The following CNTN1 variants were observed in gnomAD, a reference collection of about 807,000 sequenced individuals.
The protein encoded by CNTN1 is contactin-1.
CNTN1 carries 38 observed loss-of-function variants against 126.4 expected under a neutral mutation model. The ratio of observed to expected loss-of-function variants is 0.30; its 90% CI spans 0.23 to 0.39. CNTN1 has a LOEUF of 0.39. CNTN1 is among the 10% of genes least tolerant of loss of function. The pLI is 1.00. For synonymous variants in CNTN1, 413 were observed against 422.6 expected (o/e 0.98, Z 0.28); for missense variants, 1,009 against 1,248.4 (o/e 0.81, Z 2.89).
rs756170258 is a variant in CNTN1 at position 40,769,881 on chromosome 12, A to G, written c.-77+77289A>G. 2.0e-5 allele frequency among the ~76,000 whole-genome samples: 3 copies of G among 152,274 alleles called. No individual in the cohort carries two copies. The South Asian group carries it at 6.2e-4, about 32-fold the overall frequency. On this transcript the variant is annotated intron_variant, in intron 1 of 23. Coordinates refer to ENST00000551295, the MANE Select transcript of CNTN1 (RefSeq NM_001843.4). The stretch of plus-strand genomic sequence containing the variant: ...GAAAGGTTTCATCCTTGGCCCAGTA[A>G]TTAGTTATGTGTAAATATCTCTAAC...
rs116600655 is a variant in CNTN1 at position 40,899,777 on chromosome 12, G to A, written c.-76-8580G>A. ...ATTCTTCAAGAGTTGCTCAGAAATC[G>A]ATCTTAACAATCACGTGCCAAGTGC... is the stretch of plus-strand genomic sequence containing the variant. On this transcript the variant is annotated intron_variant, in intron 1 of 23. Transcript: ENST00000551295. 7.0e-3 allele frequency among the ~76,000 whole-genome samples: 1,072 copies of A among 152,198 alleles called. 12 individuals carry two copies. The highest frequency in any genetic ancestry group is 0.024 in the African/African-American group (1,014 of 41,532).
intron 1 of CNTN1, among the ~76,000 whole-genome samples, chr12:40,770,953 A>G (rs1939315894): frequency 6.6e-6 from 1 of 152,098 alleles, no homozygotes; most frequent in South Asian, 2.1e-4. Flanking sequence ...AAACTCCCTT[A>G]TTAGTGTTTC....
At chr12:40,905,951 A>G (rs539922729) in intron 1 of CNTN1, among the ~76,000 whole-genome samples, 1 of 152,304 alleles carries the variant, frequency 6.6e-6, no homozygotes. Context: ...AAATCTTTCC[A>G]CAGATCATGT....
At chr12:40,716,605 T>C (rs958884471) in intron 1 of CNTN1, among the ~76,000 whole-genome samples, 2 of 152,160 alleles carry the variant, frequency 1.3e-5, no homozygotes, top group African/African-American at 4.8e-5. Flanking sequence ...CATTTCCAAG[T>C]ATATCTGAAA....
At chr12:40,749,818 G>T (rs1938331711) in intron 1 of CNTN1, among the ~76,000 whole-genome samples, 1 of 152,004 alleles carries the variant, frequency 6.6e-6, no homozygotes, top group Admixed American at 6.6e-5. Context: ...CAGGGCTTCA[G>T]TGAAGCGGTG....
At chr12:40,958,351 A>ATGTGTGTG (rs34419027) in intron 14 of CNTN1, among the ~76,000 whole-genome samples, 28 of 147,150 alleles carry the variant, frequency 1.9e-4, no homozygotes, top group African/African-American at 6.2e-4. Flanking sequence ...GTGTGTATAT[A>ATGTGTGTG]TGTGTGTGTG....
At chr12:40,808,665 T>C (rs1384297250) in intron 1 of CNTN1, among the ~76,000 whole-genome samples, 1 of 152,170 alleles carries the variant, frequency 6.6e-6, no homozygotes. Context: ...TCTTCCATAT[T>C]GTGACAGGCT....
intron 23 of CNTN1, among the ~76,000 whole-genome samples, chr12:41,048,935 C>A (rs1949609772): frequency 6.6e-6 from 1 of 152,112 alleles, no homozygotes; most frequent in African/African-American, 2.4e-5. Context: ...AAATTTGTTC[C>A]AATCAGATTT....
chr12:40,864,790 G>A (rs1425278911), intron 1 of CNTN1, among the ~76,000 whole-genome samples: 1 of 152,092 alleles, frequency 6.6e-6, no homozygotes, highest in Non-Finnish European at 1.5e-5. Context: ...GAATAATGCA[G>A]CAATGACTAT....
chr12:40,921,289 C>T (rs1167684984), intron 4 of CNTN1, among the ~76,000 whole-genome samples: 3 of 152,046 alleles, frequency 2.0e-5, no homozygotes, highest in Non-Finnish European at 4.4e-5. Context: ...AGGAAATGAG[C>T]GATGTGGCCA....
intron 16 of CNTN1, among the ~76,000 whole-genome samples, chr12:40,982,115 C>CT (rs1267924300): frequency 6.6e-6 from 1 of 151,980 alleles, no homozygotes; most frequent in Non-Finnish European, 1.5e-5. Context: ...CAAATATAAA[C>CT]TTGAGGTCTG....
chr12:40,985,808 A>T (rs1651877842), intron 16 of CNTN1, among the ~76,000 whole-genome samples: 1 of 151,944 alleles, frequency 6.6e-6, no homozygotes, highest in Non-Finnish European at 1.5e-5. Context: ...CTCTTGACAC[A>T]TATGTTAGAT....
chr12:40,802,046 A>ATGG (rs1940678283), intron 1 of CNTN1, among the ~76,000 whole-genome samples: 1 of 151,950 alleles, frequency 6.6e-6, no homozygotes. Flanking sequence ...ACATGAGCAG[A>ATGG]TGGTGTAGGA....
At chr12:40,877,149 A>G (rs1045137473) in intron 1 of CNTN1, among the ~76,000 whole-genome samples, 8 of 152,162 alleles carry the variant, frequency 5.3e-5, no homozygotes, top group African/African-American at 1.7e-4. Flanking sequence ...ACAATTTGCT[A>G]TTATAGCTAG....
intron 14 of CNTN1, among the ~76,000 whole-genome samples, chr12:40,945,722 T>TAAA (rs34940542): frequency 1.4e-5 from 2 of 144,900 alleles, no homozygotes; most frequent in African/African-American, 2.5e-5. Context: ...CAGTCCCCTT[T>TAAA]AAAAAAAAAA....
intron 6 of CNTN1, among the ~76,000 whole-genome samples, chr12:40,926,870 C>G (rs1945710817): frequency 6.6e-6 from 1 of 151,992 alleles, no homozygotes; most frequent in African/African-American, 2.4e-5. Flanking sequence ...AAGATAAATA[C>G]AAGAGTTGAG....
intron 1 of CNTN1, among the ~76,000 whole-genome samples, chr12:40,900,540 C>T (rs779408216): frequency 6.6e-6 from 1 of 152,190 alleles, no homozygotes; most frequent in African/African-American, 2.4e-5. Context: ...AAGGTACCAA[C>T]TCCACACAGT....
intron 1 of CNTN1, among the ~76,000 whole-genome samples, chr12:40,693,809 T>C (rs539473554): frequency 6.6e-5 from 10 of 152,188 alleles, no homozygotes; most frequent in South Asian, 4.2e-4. Flanking sequence ...CAATTCTCCA[T>C]TGGGGGAAAA....
chr12:40,898,504 A>G (rs548813277), intron 1 of CNTN1, among the ~76,000 whole-genome samples: 1 of 152,148 alleles, frequency 6.6e-6, no homozygotes, highest in African/African-American at 2.4e-5. Context: ...TTCAAATATA[A>G]ATACTTGAAC....
Sources: gnomAD v4.1 joint callset for allele counts (sites outside exome capture counted in the v4.1 genomes callset) on GRCh38, gnomAD v4.1.1 for gene constraint, MANE v1.5 for transcripts, NCBI Gene and HGNC (gene_info 2026-07-23, HGNC 2026-07-21) for gene names.